The following L3MBTL3 variants were observed in gnomAD, a reference collection of about 807,000 sequenced individuals.
L3MBTL3 encodes L3MBTL histone methyl-lysine binding protein 3, also known as lethal(3)malignant brain tumor-like protein 3.
In L3MBTL3, 27 loss-of-function variants were observed where a neutral mutation model predicts 102.3. The ratio of observed to expected loss-of-function variants is 0.26; its 90% CI spans 0.19 to 0.36. The LOEUF (loss-of-function observed/expected upper bound fraction) is 0.36, where lower values mean the gene tolerates loss of function less well. Among genes scored for constraint, L3MBTL3 ranks in the 10% least tolerant of loss-of-function variants. The pLI is 1.00. For synonymous variants in L3MBTL3, 340 were observed against 320.9 expected (o/e 1.06, Z -0.64); for missense variants, 798 against 955.3 (o/e 0.84, Z 2.17).
At chr6:130,050,815 TAGA>T (rs954808194) in intron 5 of L3MBTL3, among the ~76,000 whole-genome samples, 5 of 152,206 alleles carry the variant, frequency 3.3e-5, no homozygotes, top group Non-Finnish European at 7.3e-5. Context: ...GAAAGCGTAA[TAGA>T]AGAGATGTTG....
intron 9 of L3MBTL3, among the ~76,000 whole-genome samples, chr6:130,058,472 T>TA (rs111300227): frequency 0.013 from 1,778 of 132,906 alleles, 31 homozygotes; most frequent in African/African-American, 0.038. Flanking sequence ...ACTCGGCCTC[T>TA]AAAAAAAAAA....
intron 18 of L3MBTL3, among the ~76,000 whole-genome samples, chr6:130,098,441 G>T (rs981108471): frequency 6.6e-6 from 1 of 152,166 alleles, no homozygotes; most frequent in African/African-American, 2.4e-5. Flanking sequence ...AGAGAGAAGC[G>T]TCAGCTTTTT....
chr6:130,122,043 A>G (rs979520847), intron 20 of L3MBTL3, among the ~76,000 whole-genome samples: 14 of 152,208 alleles, frequency 9.2e-5, no homozygotes, highest in African/African-American at 3.4e-4. Flanking sequence ...GAGTGGTTTA[A>G]TTAAGCAATG....
chr6:130,067,096 T>C (rs1782307426), intron 11 of L3MBTL3, among the ~76,000 whole-genome samples: 1 of 152,216 alleles, frequency 6.6e-6, no homozygotes, highest in African/African-American at 2.4e-5. Context: ...ATCGTCTTTT[T>C]CACTGTCTGC....
At chr6:130,130,971 A>T (rs899109751) in intron 20 of L3MBTL3, among the ~76,000 whole-genome samples, 6 of 152,224 alleles carry the variant, frequency 3.9e-5, no homozygotes, top group East Asian at 3.8e-4. Flanking sequence ...TAAATTTTTT[A>T]AAAATTTACC....
rs1778843709 is a variant in L3MBTL3 at position 130,019,939 on chromosome 6, G to C, written c.-95+1275G>C. 2.9e-5 allele frequency among the ~76,000 whole-genome samples: 4 copies of C among 139,384 alleles called. No homozygotes were observed. In the South Asian group the frequency reaches 9.0e-4, roughly 31 times the overall value. The allele number at this position is 139,384 out of a possible 152,430, so 91.4% of individuals were successfully genotyped here. A position where few individuals can be genotyped will look rare whatever the true frequency, so the allele number is the denominator to read the frequency against. On this transcript the variant is annotated intron_variant, in intron 1 of 22. Coordinates refer to ENST00000361794, the MANE Select transcript of L3MBTL3 (RefSeq NM_032438.4). ...GCCCCGCGCCGTGCCGCGCCGCGCC[G>C]GCCCGGGTGCGGGCGCGGGCGCGGG...
At chr6:130,102,688 C>G (rs766379567) in intron 18 of L3MBTL3, among the ~76,000 whole-genome samples, 5 of 152,190 alleles carry the variant, frequency 3.3e-5, no homozygotes, top group Admixed American at 6.5e-5. Flanking sequence ...CCTGTTGGCA[C>G]TGCTCCTCCC....
At chr6:130,029,890 CT>C (rs2114540072) in intron 2 of L3MBTL3, among the ~76,000 whole-genome samples, 1 of 152,186 alleles carries the variant, frequency 6.6e-6, no homozygotes, top group South Asian at 2.1e-4. Flanking sequence ...GTGGTACAAT[CT>C]TGGTTCACTG....
intron 14 of L3MBTL3, among the ~76,000 whole-genome samples, chr6:130,082,401 T>C (rs1352029743): frequency 6.6e-6 from 1 of 152,242 alleles, no homozygotes; most frequent in Non-Finnish European, 1.5e-5. Flanking sequence ...GCTTTTCTTA[T>C]CTTCCTATTT....
intron 20 of L3MBTL3, among the ~76,000 whole-genome samples, chr6:130,121,593 T>C (rs1028153895): frequency 6.6e-6 from 1 of 152,214 alleles, no homozygotes; most frequent in African/African-American, 2.4e-5. Flanking sequence ...TAAGACATTC[T>C]CTTAGGACCT....
chr6:130,019,090 C>A (rs965984581), intron 1 of L3MBTL3, among the ~76,000 whole-genome samples: 2 of 151,946 alleles, frequency 1.3e-5, no homozygotes, highest in African/African-American at 4.8e-5. Context: ...GGAGCCGGGG[C>A]GAGGCGGCCG....
At chr6:130,020,477 A>C (rs1778926112) in intron 1 of L3MBTL3, 1 of 152,008 alleles carries the variant, frequency 6.6e-6, no homozygotes, top group African/African-American at 2.4e-5. Flanking sequence ...CCCCTCCCCC[A>C]GTCCCGGTCA....
At chr6:130,043,124 C>T (rs544748335) in intron 3 of L3MBTL3, among the ~76,000 whole-genome samples, 3 of 152,276 alleles carry the variant, frequency 2.0e-5, no homozygotes, top group African/African-American at 7.2e-5. Flanking sequence ...AAATGGCAGA[C>T]TTAGAAGAGC....
chr6:130,107,251 A>C (rs934434736), intron 19 of L3MBTL3, among the ~76,000 whole-genome samples: 2 of 152,178 alleles, frequency 1.3e-5, no homozygotes, highest in African/African-American at 4.8e-5. Flanking sequence ...TTTGGCCAAA[A>C]CTACAGTTTT....
intron 12 of L3MBTL3, 50 bp from the exon 13 acceptor site, chr6:130,070,926 T>G (rs1221817049): frequency 6.6e-7 from 1 of 1,522,394 alleles, no homozygotes; most frequent in Non-Finnish European, 9.0e-7. Flanking sequence ...GCAGTTCTTG[T>G]GGTTGTCAAG....
chr6:130,127,736 T>A (rs975850758), intron 20 of L3MBTL3, among the ~76,000 whole-genome samples: 26 of 152,222 alleles, frequency 1.7e-4, no homozygotes, highest in Admixed American at 1.4e-3. Context: ...GTTGTTTTAA[T>A]GATATAGTTC....
chr6:130,104,515 C>T lies in L3MBTL3; in HGVS notation c.1826C>T (p.Pro609Leu), dbSNP rs1176016505. 15 of 1,593,122 alleles carry T rather than the reference C, an allele frequency of 9.4e-6. No individual in the cohort carries two copies. Among genetic ancestry groups the T allele is most frequent in the South Asian group, 3.5e-5 (3 of 85,708 alleles). ...RLSGEMPPAS[P>L]SFPRNKRTDA... ...AGTGGTGAGATGCCTCCGGCTAGTC[C>T]GTCATTTCCAAGAAATAAAAGGACA... Residue 609 changes from proline to leucine, a missense_variant, in exon 19 of 23, where the codon CCG becomes CTG. This residue lies in a region of L3MBTL3 where 306 missense variants were observed against 314.4 expected (regional missense o/e 0.97). Transcript: ENST00000361794.
chr6:130,086,117 T>G, intron 15 of L3MBTL3, 23 bp from the exon 16 acceptor site: 12 of 1,496,932 alleles, frequency 8.0e-6, no homozygotes, highest in Non-Finnish European at 1.1e-5. Flanking sequence ...TATCTCACTC[T>G]GTAAAATTTT....
rs1435090297 is a variant in L3MBTL3 at position 130,141,350 on chromosome 6, GTT to G, written c.*1602_*1603del. On this transcript the variant is annotated 3_prime_UTR_variant, in exon 23 of 23. Transcript: ENST00000361794. ...CTGCTTAAATAAGTTTTTTGTTGCT[GTT>G]TTTTCTTTTTTATGTTTTGTTCAGA... The G allele has an allele frequency of 6.6e-6, 1 of 152,060 alleles. No homozygotes were observed. The highest frequency in any genetic ancestry group is 1.5e-5 in the Non-Finnish European group (1 of 67,990). 9.4% of individuals were successfully genotyped at this position (152,060 alleles called of 1,614,324 possible).
Sources: allele counts gnomAD v4.1 joint callset (sites outside exome capture counted in the v4.1 genomes callset), GRCh38; gene constraint gnomAD v4.1.1; regional missense constraint gnomAD v4.1.1; transcripts MANE v1.5; gene names NCBI Gene and HGNC (gene_info 2026-07-23, HGNC 2026-07-21).